The following TENM3 variants were observed in gnomAD, a reference collection of about 807,000 sequenced individuals.
TENM3 encodes teneurin-3.
In TENM3, 63 loss-of-function variants were observed where a neutral mutation model predicts 255.1. The ratio of observed to expected loss-of-function variants is 0.25; its 90% CI spans 0.20 to 0.30. The LOEUF is 0.30. TENM3 is among the 10% of genes least tolerant of loss of function. The pLI, the probability that TENM3 is intolerant of heterozygous loss-of-function variation, is 1.00. For synonymous variants in TENM3, 1,306 were observed against 1,322.3 expected, an observed-to-expected ratio of 0.99 and a Z score of 0.27; for missense variants, 2,929 against 3,461.1, an observed-to-expected ratio of 0.85 and a Z score of 3.86.
At chr4:182,621,729 A>ATT (rs1561016639) in intron 4 of TENM3, among the ~76,000 whole-genome samples, 2 of 83,896 alleles carry the variant, frequency 2.4e-5, no homozygotes, top group Non-Finnish European at 4.6e-5. Flanking sequence ...ATTATATATA[A>ATT]AATATATAAT....
At chr4:182,543,658 CAT>C (rs1399549742) in intron 3 of TENM3, among the ~76,000 whole-genome samples, 2 of 151,220 alleles carry the variant, frequency 1.3e-5, no homozygotes, top group African/African-American at 2.4e-5. Flanking sequence ...TGAGATAGAA[CAT>C]ATTTTCATAT....
intron 4 of TENM3, among the ~76,000 whole-genome samples, chr4:182,622,405 T>A (rs1750379583): frequency 6.6e-6 from 1 of 152,184 alleles, no homozygotes; most frequent in Non-Finnish European, 1.5e-5. Flanking sequence ...AGATTGGTGA[T>A]CTCATGATCT....
intron 11 of TENM3, among the ~76,000 whole-genome samples, chr4:182,686,079 G>C (rs1319257077): frequency 6.6e-6 from 1 of 151,844 alleles, no homozygotes; most frequent in Non-Finnish European, 1.5e-5. Flanking sequence ...CTAAATGACT[G>C]CTTAATCATA....
chr4:182,606,594 C>T (rs944463184), intron 4 of TENM3, among the ~76,000 whole-genome samples: 2 of 138,582 alleles, frequency 1.4e-5, no homozygotes, highest in Admixed American at 7.2e-5. Context: ...AAAGAATAAA[C>T]ATCTCTGTGT....
chr4:181,598,740 T>C, the TENM3 span, among the ~76,000 whole-genome samples: 1 of 151,664 alleles, frequency 6.6e-6, no homozygotes, highest in Non-Finnish European at 1.5e-5. Flanking sequence ...CTTGTAATAA[T>C]ACAGCTATGA....
chr4:182,091,478 A>T, the TENM3 span, among the ~76,000 whole-genome samples: 1 of 152,180 alleles, frequency 6.6e-6, no homozygotes, highest in Non-Finnish European at 1.5e-5. Flanking sequence ...GGCCAGGCGA[A>T]CTAAAGGAAA....
chr4:182,318,451 ATTACATTACGAAAC>A (rs1762870298), intron 1 of TENM3, among the ~76,000 whole-genome samples: 1 of 152,204 alleles, frequency 6.6e-6, no homozygotes, highest in Non-Finnish European at 1.5e-5. Context: ...TCATTACATC[ATTACATTACGAAAC>A]TTCTCTGGCC....
chr4:182,798,187 T>C (rs1236737177), intron 27 of TENM3, among the ~76,000 whole-genome samples: 2 of 152,114 alleles, frequency 1.3e-5, no homozygotes, highest in African/African-American at 4.8e-5. Context: ...TTTTATTTTT[T>C]GTAGAGATAA....
chr4:182,172,352 C>G lies in TENM3; in HGVS notation c.-76+27598C>G, dbSNP rs139056717. Among the ~76,000 whole-genome samples the G allele has an allele frequency of 3.5e-4, 54 of 152,130 alleles. 1 individual carries two copies. In the East Asian group the frequency reaches 9.7e-3, roughly 27 times the overall value. On this transcript the variant is annotated intron_variant, in intron 1 of 2. Coordinates refer to the TENM3 transcript ENST00000512480. ...GATAAGACACGTCCATTAAAGTTTG[C>G]AATACAAAACAGTATCTAATTCGGT...
At chr4:181,731,137 G>A in the TENM3 span, among the ~76,000 whole-genome samples, 1 of 151,996 alleles carries the variant, frequency 6.6e-6, no homozygotes, top group Non-Finnish European at 1.5e-5. Flanking sequence ...CTTCGTAATA[G>A]GGGCAAAAAA....
chr4:181,968,997 TAC>T, the TENM3 span, among the ~76,000 whole-genome samples: 15,463 of 147,560 alleles, frequency 0.1, 885 homozygotes, highest in Non-Finnish European at 0.12. Flanking sequence ...TCTCTCTATA[TAC>T]ATATATATGT....
At chr4:182,469,700 C>T (rs921035039) in intron 3 of TENM3, among the ~76,000 whole-genome samples, 1 of 144,170 alleles carries the variant, frequency 6.9e-6, no homozygotes, top group African/African-American at 2.6e-5. Context: ...GGCAACAGAG[C>T]GAGACTCTGT....
the TENM3 span, among the ~76,000 whole-genome samples, chr4:181,555,538 A>G: frequency 6.6e-6 from 1 of 152,212 alleles, no homozygotes; most frequent in Non-Finnish European, 1.5e-5. Context: ...CTTCAATATA[A>G]GCAAGTTAGT....
In TENM3 at chr4:182,735,126, A is replaced by G. The variant is rs896658114; in HGVS notation, c.2968-1682A>G. Among the ~76,000 whole-genome samples the G allele has an allele frequency of 2.0e-5, 3 of 152,142 alleles. No homozygotes were observed. In the East Asian group the frequency reaches 5.8e-4, roughly 29 times the overall value. ...CTACAGTCTTACAAAAGTACCCTCA[A>G]TCTTAAATTTAATGGTTTCCCTGGG... On this transcript the variant is annotated intron_variant, in intron 16 of 27. Coordinates refer to ENST00000511685, the MANE Select transcript of TENM3 (RefSeq NM_001080477.4).
At chr4:181,497,979 C>T in the TENM3 span, among the ~76,000 whole-genome samples, 36 of 152,076 alleles carry the variant, frequency 2.4e-4, no homozygotes, top group Non-Finnish European at 5.0e-4. Context: ...TACTGCAGTA[C>T]AAGAATTCAA....
intron 1 of TENM3, among the ~76,000 whole-genome samples, chr4:182,263,453 A>C (rs1042973256): frequency 6.6e-6 from 1 of 152,144 alleles, no homozygotes; most frequent in South Asian, 2.1e-4. Context: ...CTCTCTATAA[A>C]GTCCGCCTCT....
intron 3 of TENM3, among the ~76,000 whole-genome samples, chr4:182,595,568 G>A (rs1514480): frequency 6.6e-6 from 1 of 151,854 alleles, no homozygotes; most frequent in African/African-American, 2.4e-5. Context: ...ATTCAACATA[G>A]TGAATAAAAA....
At chr4:182,761,158 T>C (rs541472420) in intron 22 of TENM3, among the ~76,000 whole-genome samples, 23 of 152,156 alleles carry the variant, frequency 1.5e-4, no homozygotes, top group African/African-American at 5.5e-4. Context: ...GCGGCTCACA[T>C]CTGTAATCCC....
chr4:182,725,230 G>C (rs980722143), intron 13 of TENM3, among the ~76,000 whole-genome samples: 1 of 151,928 alleles, frequency 6.6e-6, no homozygotes, highest in Admixed American at 6.6e-5. Flanking sequence ...GTAGAGATAG[G>C]GTCTCGCTGT....
Sources: allele counts gnomAD v4.1 joint callset (sites outside exome capture counted in the v4.1 genomes callset), GRCh38; gene constraint gnomAD v4.1.1; transcripts MANE v1.5; gene names NCBI Gene and HGNC (gene_info 2026-07-23, HGNC 2026-07-21).